Variants in NRXN3 observed in about 807,000 individuals in gnomAD.
NRXN3 encodes the protein neurexin III.
NRXN3 carries 32 observed loss-of-function variants against 137.6 expected under a neutral mutation model. The observed-to-expected ratio is 0.23, with a 90% CI of 0.18 to 0.31. NRXN3 has a LOEUF of 0.31. NRXN3 is among the 10% of genes least tolerant of loss of function. NRXN3 has a pLI of 1.00. For synonymous variants in NRXN3, 798 were observed against 784.5 expected (o/e 1.02, Z -0.29); for missense variants, 1,574 against 2,062.5 (o/e 0.76, Z 4.59).
At chr14:79,175,553 A>G (rs1482995900) in intron 15 of NRXN3, among the ~76,000 whole-genome samples, 2 of 152,186 alleles carry the variant, frequency 1.3e-5, no homozygotes, top group East Asian at 3.9e-4. Flanking sequence ...AGGACATCTT[A>G]TTTTTAAGGC....
At chr14:78,314,010 A>G (rs1180778322) in intron 4 of NRXN3, among the ~76,000 whole-genome samples, 1 of 152,192 alleles carries the variant, frequency 6.6e-6, no homozygotes, top group African/African-American at 2.4e-5. Flanking sequence ...TGAGCAGCTC[A>G]CAATAGAGTA....
intron 15 of NRXN3, among the ~76,000 whole-genome samples, chr14:79,372,155 A>T (rs2094131568): frequency 6.6e-6 from 1 of 152,070 alleles, no homozygotes; most frequent in Admixed American, 6.6e-5. Flanking sequence ...GTGAGAGAGA[A>T]TCAACTCATC....
intron 15 of NRXN3, among the ~76,000 whole-genome samples, chr14:79,019,193 T>C (rs2099584655): frequency 6.6e-6 from 1 of 152,190 alleles, no homozygotes; most frequent in South Asian, 2.1e-4. Flanking sequence ...CCTCGTGATG[T>C]TGATAAACTC....
chr14:78,246,051 A>G (rs944362253), intron 2 of NRXN3, among the ~76,000 whole-genome samples: 1 of 152,186 alleles, frequency 6.6e-6, no homozygotes, highest in African/African-American at 2.4e-5. Context: ...CGCCCAAAGG[A>G]TCTGTTCTGT....
At chr14:79,454,407 G>A (rs1013916457) in intron 15 of NRXN3, among the ~76,000 whole-genome samples, 6 of 152,130 alleles carry the variant, frequency 3.9e-5, no homozygotes, top group African/African-American at 1.4e-4. Context: ...GTAGAGACAG[G>A]GTTTCTCCAT....
chr14:79,339,794 A>G (rs1331856796), intron 15 of NRXN3, among the ~76,000 whole-genome samples: 2 of 152,056 alleles, frequency 1.3e-5, no homozygotes, highest in East Asian at 3.9e-4. Context: ...GGGTGTTGTC[A>G]TTTTTCTTCT....
chr14:79,258,351 C>T lies in NRXN3; in HGVS notation c.3263-208870C>T, dbSNP rs578149986. ...TCCCAAGCACCTGGGATTACAGGTG[C>T]GCACCACCACACCTGGCTAATTTTT... On this transcript the variant is annotated intron_variant, in intron 15 of 20. Coordinates refer to ENST00000335750, the MANE Select transcript of NRXN3 (RefSeq NM_001330195.2). Among the ~76,000 whole-genome samples, 12 of 152,140 alleles carry T rather than the reference C, an allele frequency of 7.9e-5. 1 individual carries two copies. The South Asian group carries it at 1.2e-3, about 16-fold the overall frequency.
At chr14:79,584,044 C>G (rs2097743822) in intron 16 of NRXN3, among the ~76,000 whole-genome samples, 2 of 152,112 alleles carry the variant, frequency 1.3e-5, no homozygotes, top group Non-Finnish European at 2.9e-5. Flanking sequence ...GACTTGCAAT[C>G]AATTGCTTGG....
chr14:79,346,351 G>T (rs575358328), intron 15 of NRXN3, among the ~76,000 whole-genome samples: 1 of 152,222 alleles, frequency 6.6e-6, no homozygotes, highest in Non-Finnish European at 1.5e-5. Flanking sequence ...AACGCGGGAG[G>T]TGGAGGTTGC....
At chr14:79,586,501 A>C (rs1399992828) in intron 16 of NRXN3, among the ~76,000 whole-genome samples, 1 of 152,118 alleles carries the variant, frequency 6.6e-6, no homozygotes, top group Non-Finnish European at 1.5e-5. Context: ...ACCCTGAAAA[A>C]GTATGGTATA....
intron 4 of NRXN3, among the ~76,000 whole-genome samples, chr14:78,525,291 G>T (rs1339775732): frequency 2.0e-5 from 3 of 152,196 alleles, no homozygotes; most frequent in Non-Finnish European, 2.9e-5. Context: ...GCACACTGCT[G>T]GTATGGGTCA....
At chr14:78,356,327 G>A (rs1269288818) in intron 4 of NRXN3, among the ~76,000 whole-genome samples, 1 of 152,204 alleles carries the variant, frequency 6.6e-6, no homozygotes, top group African/African-American at 2.4e-5. Flanking sequence ...CTCCTGATGA[G>A]GAATATGGGC....
At chr14:79,297,864 A>G (rs183642354) in intron 15 of NRXN3, among the ~76,000 whole-genome samples, 100 of 152,206 alleles carry the variant, frequency 6.6e-4, no homozygotes, top group Non-Finnish European at 4.1e-4. Flanking sequence ...AAAAATAAAT[A>G]TAATGCCTCT....
chr14:79,668,209 A>G (rs1355057174), intron 17 of NRXN3, among the ~76,000 whole-genome samples: 2 of 152,148 alleles, frequency 1.3e-5, no homozygotes, highest in African/African-American at 4.8e-5. Flanking sequence ...GCTACATTAG[A>G]AAACTCTCTT....
intron 15 of NRXN3, among the ~76,000 whole-genome samples, chr14:79,143,145 T>C (rs1425045794): frequency 1.3e-5 from 2 of 152,206 alleles, no homozygotes; most frequent in Admixed American, 1.3e-4. Context: ...GCAAAAACAG[T>C]CAAGCCTTTC....
intron 16 of NRXN3, among the ~76,000 whole-genome samples, chr14:79,512,156 C>A (rs535574408): frequency 7.1e-4 from 108 of 152,316 alleles, no homozygotes; most frequent in African/African-American, 2.5e-3. Flanking sequence ...GACTCGGCCT[C>A]CCAAAGGGCT....
At chr14:78,341,981 G>C (rs962379203) in intron 4 of NRXN3, among the ~76,000 whole-genome samples, 3 of 152,180 alleles carry the variant, frequency 2.0e-5, no homozygotes, top group African/African-American at 7.2e-5. Context: ...CTACACGTAA[G>C]GTGTGCTTGC....
intron 6 of NRXN3, among the ~76,000 whole-genome samples, chr14:78,669,839 G>A (rs2097918659): frequency 6.6e-6 from 1 of 151,988 alleles, no homozygotes; most frequent in Non-Finnish European, 1.5e-5. Context: ...TGGCTGGCGG[G>A]ATTTTTTTAA....
intron 8 of NRXN3, among the ~76,000 whole-genome samples, chr14:78,794,193 A>T (rs1295301297): frequency 1.3e-5 from 2 of 151,780 alleles, no homozygotes; most frequent in African/African-American, 4.8e-5. Flanking sequence ...GACCAGCCTG[A>T]CCAACATGGG....
Sources: allele counts gnomAD v4.1 joint callset (sites outside exome capture counted in the v4.1 genomes callset), GRCh38; gene constraint gnomAD v4.1.1; transcripts MANE v1.5; gene names NCBI Gene and HGNC (gene_info 2026-07-23, HGNC 2026-07-21).